RPH3AL: variants seen among roughly 807,000 people sequenced by gnomAD.
RPH3AL encodes the protein rab effector Noc2.
A neutral mutation model predicts 43.1 loss-of-function variants in RPH3AL; 38 were observed. The observed-to-expected ratio is 0.88, with a 90% CI of 0.68 to 1.15. The LOEUF (loss-of-function observed/expected upper bound fraction) is 1.15, where lower values mean the gene tolerates loss of function less well. Among genes scored for constraint, RPH3AL ranks in the 50% most tolerant of loss-of-function variants. RPH3AL has a pLI of 0.00. For missense variants in RPH3AL, 462 were observed against 423.2 expected (o/e 1.09, Z -0.81); for synonymous variants, 189 against 176.3 (o/e 1.07, Z -0.57).
At chr17:297,940 G>A (rs1453427348) in intron 5 of RPH3AL, among the ~76,000 whole-genome samples, 1 of 152,104 alleles carries the variant, frequency 6.6e-6, no homozygotes, top group Non-Finnish European at 1.5e-5. Context: ...ACACACGGAC[G>A]AACATGCAAA....
intron 5 of RPH3AL, among the ~76,000 whole-genome samples, chr17:317,632 C>T (rs756173476): frequency 6.6e-6 from 1 of 152,176 alleles, no homozygotes; most frequent in African/African-American, 2.4e-5. Context: ...CATCTCCCCT[C>T]CAGTATTTTT....
rs1038564778 is a variant in RPH3AL, at chr17:243,020, T to C, written c.613+4091A>G. On this transcript the variant is annotated intron_variant, in intron 7 of 9. Coordinates refer to ENST00000331302, the MANE Select transcript of RPH3AL (RefSeq NM_006987.4). ...CTATTGAATACCTTCCTCTATTGAA[T>C]ACCTTCCTCTATTGAATACCATCCT... Among the ~76,000 whole-genome samples, 2 of 126,296 alleles carry C rather than the reference T, an allele frequency of 1.6e-5. 1 individual carries two copies. The highest frequency in any genetic ancestry group is 3.5e-5 in the Non-Finnish European group (2 of 56,468). The allele number at this position is 126,296 out of a possible 152,430, so 82.9% of individuals were successfully genotyped here.
chr17:318,944 G>C (rs1320436673), intron 5 of RPH3AL, among the ~76,000 whole-genome samples: 1 of 152,142 alleles, frequency 6.6e-6, no homozygotes, highest in African/African-American at 2.4e-5. Flanking sequence ...TTTTTTCCTT[G>C]TTGCCTTCAT....
chr17:257,728 C>T (rs868914132), intron 6 of RPH3AL, among the ~76,000 whole-genome samples: 12 of 50,834 alleles, frequency 2.4e-4, no homozygotes, highest in African/African-American at 6.8e-4. Flanking sequence ...ATGAGGGGAG[C>T]CGCACGGTGT....
At chr17:220,694 T>G (rs879863583) in intron 7 of RPH3AL, among the ~76,000 whole-genome samples, 2,378 of 29,882 alleles carry the variant, frequency 0.08, 3 homozygotes, top group East Asian at 0.096. Flanking sequence ...CTCTGAGGCC[T>G]CCACTCACTG....
At chr17:267,585 G>C (rs544561414) in intron 6 of RPH3AL, among the ~76,000 whole-genome samples, 4 of 152,230 alleles carry the variant, frequency 2.6e-5, no homozygotes, top group African/African-American at 9.6e-5. Flanking sequence ...GGCAGGGCTC[G>C]AGGGTGGTGC....
intron 5 of RPH3AL, among the ~76,000 whole-genome samples, chr17:303,795 G>C (rs968738116): frequency 5.9e-5 from 3 of 51,072 alleles, no homozygotes; most frequent in African/African-American, 9.2e-5. Context: ...TTATTGAGCA[G>C]TGACCGTGTC....
chr17:244,056 CCCTTCCTCTATTGATCA>C (rs1425405025), intron 7 of RPH3AL, among the ~76,000 whole-genome samples: 2 of 148,150 alleles, frequency 1.3e-5, no homozygotes, highest in Non-Finnish European at 3.0e-5. Flanking sequence ...CTATTGATTA[CCCTTCCTCTATTGATCA>C]CCTTCCTCTA....
chr17:314,412 C>A (rs967212319), intron 5 of RPH3AL, among the ~76,000 whole-genome samples: 7 of 131,156 alleles, frequency 5.3e-5, no homozygotes, highest in African/African-American at 1.8e-4. Flanking sequence ...CTGTGCCCCA[C>A]CTCCACTGAC....
intron 6 of RPH3AL, among the ~76,000 whole-genome samples, chr17:280,431 G>A (rs2151604609): frequency 6.6e-6 from 1 of 152,282 alleles, no homozygotes; most frequent in Non-Finnish European, 1.5e-5. Flanking sequence ...CTGGGATGAG[G>A]GTCTGGGAAT....
At chr17:214,388 C>A (rs530302350) in intron 9 of RPH3AL, among the ~76,000 whole-genome samples, 2 of 152,128 alleles carry the variant, frequency 1.3e-5, no homozygotes, top group Non-Finnish European at 2.9e-5. Context: ...GACACCGTAC[C>A]GATAATAGAA....
chr17:297,812 G>A (rs2043219143), intron 5 of RPH3AL, among the ~76,000 whole-genome samples: 1 of 152,130 alleles, frequency 6.6e-6, no homozygotes, highest in African/African-American at 2.4e-5. Flanking sequence ...CACAGGTCAG[G>A]GCTGATGTTG....
chr17:217,194 A>G (rs879060387), intron 8 of RPH3AL, among the ~76,000 whole-genome samples: 14 of 89,680 alleles, frequency 1.6e-4, no homozygotes, highest in Middle Eastern at 8.8e-3. Context: ...AATTGGCCTC[A>G]CTGAAATCAG....
At position 345,840 on chromosome 17, in the gene RPH3AL, C is replaced by T. The variant is rs112277914; in HGVS notation, c.-213+6872G>A. ...GTGCTCCCCAACTGCCCCATCTGCC[C>T]GCACACCCTGCTGGGGCATGCCTGC... is the stretch of plus-strand genomic sequence containing the variant. On this transcript the variant is annotated intron_variant, in intron 1 of 9. Coordinates refer to ENST00000331302, the MANE Select transcript of RPH3AL (RefSeq NM_006987.4). 2.9e-3 allele frequency among the ~76,000 whole-genome samples: 383 copies of T among 133,060 alleles called. 42 individuals carry two copies. The highest frequency in any genetic ancestry group is 9.3e-3 in the African/African-American group (364 of 38,958). 87.3% of individuals were successfully genotyped at this position (133,060 alleles called of 152,430 possible).
intron 5 of RPH3AL, among the ~76,000 whole-genome samples, chr17:317,029 C>T (rs2044266359): frequency 1.3e-5 from 2 of 149,360 alleles, no homozygotes; most frequent in African/African-American, 2.5e-5. Context: ...CTGTGCTCCA[C>T]CTCCACTGAC....
chr17:340,369 C>CCCAGG (rs1425072721), intron 1 of RPH3AL, among the ~76,000 whole-genome samples: 1 of 149,592 alleles, frequency 6.7e-6, no homozygotes, highest in Non-Finnish European at 1.5e-5. Context: ...CACTCACTGC[C>CCCAGG]CTGGGCTCAG....
At chr17:310,768 TA>T (rs2043625411) in intron 5 of RPH3AL, among the ~76,000 whole-genome samples, 1 of 152,152 alleles carries the variant, frequency 6.6e-6, no homozygotes, top group South Asian at 2.1e-4. Flanking sequence ...CGGTGTGCGA[TA>T]AATATTTGTG....
rs748583008 is a variant in RPH3AL at position 321,269 on chromosome 17, C to A, written c.221+3G>T. On this transcript the variant is annotated splice_donor_region_variant and intron_variant, in intron 4 of 9. Coordinates refer to ENST00000331302, the MANE Select transcript of RPH3AL (RefSeq NM_006987.4). ...CACTGAGCTGGCCCCGGCCCCGCCT[C>A]ACCCGATTCTCTGCTGCTCCAGGAC... The A allele has an allele frequency of 1.4e-5, 23 of 1,605,626 alleles. No homozygotes were observed. Among genetic ancestry groups the A allele is most frequent in the Non-Finnish European group, 2.0e-5 (23 of 1,179,116 alleles).
At chr17:263,380 C>T (rs2042245922) in intron 6 of RPH3AL, among the ~76,000 whole-genome samples, 1 of 152,168 alleles carries the variant, frequency 6.6e-6, no homozygotes, top group African/African-American at 2.4e-5. Flanking sequence ...TCTTGCATGG[C>T]CAGGAGTCAA....
Sources: gnomAD v4.1 joint callset for allele counts (sites outside exome capture counted in the v4.1 genomes callset) on GRCh38, gnomAD v4.1.1 for gene constraint, MANE v1.5 for transcripts, NCBI Gene and HGNC (gene_info 2026-07-23, HGNC 2026-07-21) for gene names.